Variants in LRMDA observed in about 807,000 individuals in gnomAD.
LRMDA encodes leucine-rich melanocyte differentiation-associated protein.
In LRMDA, 18 loss-of-function variants were observed where a neutral mutation model predicts 29.8. That is an observed-to-expected ratio of 0.60 (90% CI 0.42 to 0.90). The LOEUF is 0.90. Ranked by LOEUF, LRMDA falls within the 40% of genes least tolerant of loss-of-function variation. LRMDA has a pLI of 0.00. For synonymous variants in LRMDA, 125 were observed against 109.4 expected (o/e 1.14, Z -0.89); for missense variants, 273 against 273.9 (o/e 1.00, Z 0.02).
At chr10:75,649,139 CA>C (rs1841566148) in intron 2 of LRMDA, among the ~76,000 whole-genome samples, 1 of 152,162 alleles carries the variant, frequency 6.6e-6, no homozygotes, top group Non-Finnish European at 1.5e-5. Flanking sequence ...CCCTAGCAAC[CA>C]CAATTCTACT....
At chr10:76,070,080 C>T (rs1342086764) in intron 5 of LRMDA, among the ~76,000 whole-genome samples, 1 of 152,154 alleles carries the variant, frequency 6.6e-6, no homozygotes, top group East Asian at 1.9e-4. Flanking sequence ...CCTTCCAAGT[C>T]TGTTGGGGGA....
chr10:75,718,168 A>G (rs1054535187), intron 2 of LRMDA, among the ~76,000 whole-genome samples: 1 of 152,190 alleles, frequency 6.6e-6, no homozygotes, highest in African/African-American at 2.4e-5. Context: ...GCTTGACAAA[A>G]TGCCCCAACA....
chr10:76,376,831 C>A (rs1841524484), intron 6 of LRMDA, among the ~76,000 whole-genome samples: 1 of 122,640 alleles, frequency 8.2e-6, no homozygotes. Context: ...TAATGTTGAG[C>A]ATTTTTTCAA....
rs981626663 is a variant in LRMDA, at chr10:76,558,527, G to A, written c.*1239G>A. 6.6e-6 allele frequency: 1 copy of A among 152,184 alleles called. No individual in the cohort carries two copies. The highest frequency in any genetic ancestry group is 6.5e-5 in the Admixed American group (1 of 15,284). The allele number at this position is 152,184 out of a possible 1,614,324, so 9.4% of individuals were successfully genotyped here. A position where few individuals can be genotyped will look rare whatever the true frequency, so the allele number is the denominator to read the frequency against. On this transcript the variant is annotated 3_prime_UTR_variant, in exon 7 of 7. Transcript: ENST00000611255. ...CACCAGTCAAATCACTCTAGAAGAT[G>A]TTCAAAAGGTTGATTGATTGTTCTT...
At chr10:76,407,912 A>G (rs1422300378) in intron 6 of LRMDA, among the ~76,000 whole-genome samples, 1 of 152,202 alleles carries the variant, frequency 6.6e-6, no homozygotes, top group Non-Finnish European at 1.5e-5. Context: ...AGAGTTTTAG[A>G]TTATCAGAGC....
chr10:75,993,836 GA>G (rs1847413067), intron 2 of LRMDA, among the ~76,000 whole-genome samples: 1 of 152,192 alleles, frequency 6.6e-6, no homozygotes, highest in Admixed American at 6.5e-5. Flanking sequence ...GTGACTGGAA[GA>G]GTGTCTTAGG....
intron 2 of LRMDA, among the ~76,000 whole-genome samples, chr10:75,640,030 A>G (rs764516754): frequency 1.3e-5 from 2 of 152,210 alleles, no homozygotes; most frequent in East Asian, 3.9e-4. Flanking sequence ...CTTTGAATTC[A>G]CATCCATCTG....
At chr10:75,842,036 G>T (rs993715628) in intron 2 of LRMDA, among the ~76,000 whole-genome samples, 1 of 152,166 alleles carries the variant, frequency 6.6e-6, no homozygotes, top group Non-Finnish European at 1.5e-5. Context: ...CTTTCTCCAT[G>T]CCAGGCATTG....
At chr10:76,550,009 C>T (rs551699485) in intron 6 of LRMDA, among the ~76,000 whole-genome samples, 2 of 152,080 alleles carry the variant, frequency 1.3e-5, no homozygotes, top group African/African-American at 4.8e-5. Flanking sequence ...ATAAATGACT[C>T]TAAAAGAGAT....
At chr10:75,791,799 A>G (rs1466857500) in intron 2 of LRMDA, among the ~76,000 whole-genome samples, 1 of 151,680 alleles carries the variant, frequency 6.6e-6, no homozygotes, top group Non-Finnish European at 1.5e-5. Flanking sequence ...CGCTTGCTAA[A>G]TGTCACTGGT....
At chr10:76,335,015 A>G (rs1462946624) in intron 6 of LRMDA, among the ~76,000 whole-genome samples, 2 of 152,198 alleles carry the variant, frequency 1.3e-5, no homozygotes, top group East Asian at 3.9e-4. Flanking sequence ...CCTTGGATGA[A>G]GGTGAGAACT....
chr10:76,107,159 C>G (rs1849500449), intron 5 of LRMDA, among the ~76,000 whole-genome samples: 1 of 152,194 alleles, frequency 6.6e-6, no homozygotes, highest in Admixed American at 6.5e-5. Flanking sequence ...GGCTGGATCA[C>G]TTCTTCCAGG....
At chr10:75,913,407 G>A (rs1418452862) in intron 2 of LRMDA, among the ~76,000 whole-genome samples, 1 of 152,186 alleles carries the variant, frequency 6.6e-6, no homozygotes, top group Non-Finnish European at 1.5e-5. Flanking sequence ...AGTGAGCCAA[G>A]ATCGCGCCAC....
chr10:75,683,368 A>G lies in LRMDA; in HGVS notation c.131+244874A>G, dbSNP rs76013230. On this transcript the variant is annotated intron_variant, in intron 2 of 6. Coordinates refer to ENST00000611255, the MANE Select transcript of LRMDA (RefSeq NM_001305581.2). ...GAGCCGTGTTAATATCACATCTTGC[A>G]GATTTGGCAAGGGCTTTAAGAGTCC... 2.6e-5 allele frequency among the ~76,000 whole-genome samples: 4 copies of G among 152,284 alleles called. No individual in the cohort carries two copies. The East Asian group carries it at 7.7e-4, about 29-fold the overall frequency.
At chr10:76,449,545 A>T (rs1051333117) in intron 6 of LRMDA, among the ~76,000 whole-genome samples, 6 of 151,878 alleles carry the variant, frequency 4.0e-5, no homozygotes, top group African/African-American at 1.4e-4. Flanking sequence ...TTGATTTTGT[A>T]ACACCTATTA....
intron 2 of LRMDA, among the ~76,000 whole-genome samples, chr10:75,667,827 G>A (rs1321025025): frequency 6.6e-6 from 1 of 152,148 alleles, no homozygotes; most frequent in Non-Finnish European, 1.5e-5. Flanking sequence ...GTATTAATTA[G>A]CATGTCTTTC....
At chr10:75,692,208 GAAAA>G (rs528945539) in intron 2 of LRMDA, among the ~76,000 whole-genome samples, 93 of 61,108 alleles carry the variant, frequency 1.5e-3, no homozygotes, top group East Asian at 7.6e-3. Flanking sequence ...TCTCTGGGGG[GAAAA>G]AAAAAAAATA....
At chr10:75,629,363 C>T (rs937596361) in intron 2 of LRMDA, among the ~76,000 whole-genome samples, 2 of 152,148 alleles carry the variant, frequency 1.3e-5, no homozygotes, top group Admixed American at 6.5e-5. Context: ...CTCCTCCTCC[C>T]CTTCTCCTTT....
intron 2 of LRMDA, among the ~76,000 whole-genome samples, chr10:75,918,372 G>A (rs1340966877): frequency 3.3e-5 from 5 of 152,072 alleles, no homozygotes; most frequent in South Asian, 2.1e-4. Flanking sequence ...CTTCTGGGGA[G>A]GCCTCAGGGA....
Sources: allele counts gnomAD v4.1 joint callset (sites outside exome capture counted in the v4.1 genomes callset), GRCh38; gene constraint gnomAD v4.1.1; transcripts MANE v1.5; gene names NCBI Gene and HGNC (gene_info 2026-07-23, HGNC 2026-07-21).